Variants in TRAPPC8 observed in about 807,000 individuals in gnomAD.
The protein encoded by TRAPPC8 is trafficking protein particle complex subunit 8.
Under a neutral mutation model 174.3 loss-of-function variants are expected in TRAPPC8, and 54 were observed. The observed-to-expected ratio is 0.31, with a 90% CI of 0.25 to 0.39. The LOEUF (loss-of-function observed/expected upper bound fraction) is 0.39. Ranked by LOEUF, TRAPPC8 falls within the 10% of genes least tolerant of loss-of-function variation. The pLI is 1.00. For missense variants in TRAPPC8, 1,531 were observed against 1,699.1 expected, an observed-to-expected ratio of 0.90 and a Z score of 1.74; for synonymous variants, 630 against 579.9, an observed-to-expected ratio of 1.09 and a Z score of -1.24.
At chr18:31,919,963 A>G (rs1313462046) in intron 2 of TRAPPC8, among the ~76,000 whole-genome samples, 2 of 152,166 alleles carry the variant, frequency 1.3e-5, no homozygotes, top group African/African-American at 2.4e-5. Context: ...TAAATGAAAC[A>G]CACAAATAGG....
chr18:31,904,743 T>C (rs1280138433), intron 9 of TRAPPC8, among the ~76,000 whole-genome samples: 1 of 152,126 alleles, frequency 6.6e-6, no homozygotes, highest in African/African-American at 2.4e-5. Flanking sequence ...AAAACATGTT[T>C]TCTTGGCCAG....
chr18:31,933,018 A>AAAAAAAAC, intron 1 of TRAPPC8, among the ~76,000 whole-genome samples: 1 of 146,696 alleles, frequency 6.8e-6, no homozygotes, highest in African/African-American at 2.5e-5. Context: ...AAAAAAAAAA[A>AAAAAAAAC]AAGCCGGGCG....
intron 2 of TRAPPC8, among the ~76,000 whole-genome samples, chr18:31,929,708 T>G (rs2037770784): frequency 6.6e-6 from 1 of 152,144 alleles, no homozygotes; most frequent in Non-Finnish European, 1.5e-5. Context: ...ACTAAGTGAC[T>G]TATTCAGGTT....
chr18:31,942,639 C>G lies in TRAPPC8; in HGVS notation c.126G>C (p.Leu42=). The G allele has an allele frequency of 3.1e-6, 5 of 1,610,788 alleles. No homozygotes were observed. Among genetic ancestry groups the G allele is most frequent in the Non-Finnish European group, 4.2e-6 (5 of 1,178,486 alleles). The change falls in exon 1 of 29, where the codon CTG becomes CTC. Residue 42 remains leucine, a synonymous_variant. Transcript: ENST00000283351. ...TRLNHLSFAE[L]LKPFSRLTSE... Reference sequence around the variant, plus strand: ...AAGTGAGGCGGGAGAAGGGCTTAAGCAGCTCCGCGAAGCTGAGGTGATTGA... The same window carrying G: ...AAGTGAGGCGGGAGAAGGGCTTAAGGAGCTCCGCGAAGCTGAGGTGATTGA...
At chr18:31,880,691 A>G (rs2035406693) in intron 12 of TRAPPC8, among the ~76,000 whole-genome samples, 1 of 152,124 alleles carries the variant, frequency 6.6e-6, no homozygotes, top group Non-Finnish European at 1.5e-5. Flanking sequence ...AAGCATCCAA[A>G]TAGGAAAAGA....
intron 1 of TRAPPC8, among the ~76,000 whole-genome samples, chr18:31,935,350 A>G (rs186067966): frequency 2.2e-5 from 1 of 46,490 alleles, no homozygotes; most frequent in African/African-American, 8.1e-5. Context: ...TCAAAAACAA[A>G]CAAACAAACA....
At chr18:31,831,034 A>G (rs1036477396) in intron 28 of TRAPPC8, 45 bp from the exon 29 acceptor site, 2 of 1,541,866 alleles carry the variant, frequency 1.3e-6, no homozygotes, top group Non-Finnish European at 1.8e-6. Flanking sequence ...TTTTCTTTTT[A>G]ATTTTTTTCC....
intron 11 of TRAPPC8, among the ~76,000 whole-genome samples, chr18:31,894,182 G>C (rs2036089640): frequency 6.6e-6 from 1 of 152,194 alleles, no homozygotes; most frequent in African/African-American, 2.4e-5. Flanking sequence ...AGTTTCTAGA[G>C]CTGAATACCA....
Position 31,909,003 on chromosome 18 carries a change from T to G in TRAPPC8, c.873A>C (p.Leu291Phe). Residue 291 changes from leucine to phenylalanine, a missense_variant, in exon 7 of 29, where the codon TTA becomes TTC. By Grantham distance (22) the Leu-to-Phe change is conservative. Transcript: ENST00000283351. ...DGLDNEVKDGLPNNFRAHPLQ... is the reference protein window; with the variant it reads ...DGLDNEVKDGFPNNFRAHPLQ... ...GTGGGTGAGCTCTAAAGTTATTTGGTAAGCCATCTACTGAAAAAGAGATTA... is the reference window on the plus strand; with the variant it reads ...GTGGGTGAGCTCTAAAGTTATTTGGGAAGCCATCTACTGAAAAAGAGATTA... The G allele has an allele frequency of 1.9e-6, 3 of 1,604,238 alleles. No individual in the cohort carries two copies. Among genetic ancestry groups the G allele is most frequent in the Non-Finnish European group, 2.6e-6 (3 of 1,174,496 alleles).
At chr18:31,832,237 AAAT>A in intron 27 of TRAPPC8, 64 bp from the exon 28 acceptor site, 4 of 943,092 alleles carry the variant, frequency 4.2e-6, no homozygotes, top group Non-Finnish European at 5.9e-6. Context: ...ATTTTCCTGA[AAAT>A]AACACTTAAG....
chr18:31,904,442 G>A (rs889232026), intron 9 of TRAPPC8, among the ~76,000 whole-genome samples: 1 of 151,982 alleles, frequency 6.6e-6, no homozygotes, highest in Non-Finnish European at 1.5e-5. Flanking sequence ...TCAGCTATTC[G>A]GGAGGCTGAG....
chr18:31,854,186 T>G (rs1447341255), intron 21 of TRAPPC8, among the ~76,000 whole-genome samples: 1 of 152,198 alleles, frequency 6.6e-6, no homozygotes, highest in Non-Finnish European at 1.5e-5. Context: ...TTTAAAATAC[T>G]GAAAGCCACT....
chr18:31,850,251 G>C (rs1035240088), intron 24 of TRAPPC8, among the ~76,000 whole-genome samples: 3 of 152,040 alleles, frequency 2.0e-5, no homozygotes, highest in African/African-American at 7.3e-5. Flanking sequence ...GCACCCAGCT[G>C]CAAGTTACCC....
chr18:31,901,140 G>T, intron 9 of TRAPPC8, 115 bp from the exon 10 acceptor site: 1 of 798,544 alleles, frequency 1.3e-6, no homozygotes, highest in Non-Finnish European at 1.9e-6. Context: ...GGATACACAT[G>T]TATAAACTTC....
rs1375324353 is a variant in TRAPPC8, at chr18:31,925,461, GA to G, written c.352+5867del. Reference sequence around the variant, plus strand: ...ATAAAGTCAAGGATATTCACACCCAGAAAAATAAAAAGACAGAGATAGACAA... The same window carrying G: ...ATAAAGTCAAGGATATTCACACCCAGAAAATAAAAAGACAGAGATAGACAA... On this transcript the variant is annotated intron_variant, in intron 2 of 28. Coordinates refer to ENST00000283351, the MANE Select transcript of TRAPPC8 (RefSeq NM_014939.5). Among the ~76,000 whole-genome samples, 30 of 151,870 alleles carry G rather than the reference GA, an allele frequency of 2.0e-4. No individual in the cohort carries two copies. In the South Asian group the frequency reaches 5.8e-3, roughly 29 times the overall value.
intron 9 of TRAPPC8, among the ~76,000 whole-genome samples, chr18:31,905,232 T>C (rs1353945220): frequency 6.6e-6 from 1 of 152,218 alleles, no homozygotes; most frequent in African/African-American, 2.4e-5. Flanking sequence ...CAGTTCAAAT[T>C]AAATTTTTAT....
chr18:31,884,530 T>C (rs573404718), intron 12 of TRAPPC8, among the ~76,000 whole-genome samples: 2 of 152,198 alleles, frequency 1.3e-5, no homozygotes, highest in Non-Finnish European at 2.9e-5. Context: ...AAGCAGCTAT[T>C]TGAAATTACT....
intron 4 of TRAPPC8, 133 bp downstream of exon 4, chr18:31,916,139 C>T: frequency 1.7e-6 from 1 of 587,124 alleles, no homozygotes; most frequent in Non-Finnish European, 2.7e-6. Context: ...AAGTTAAATG[C>T]TTTATTAATA....
At position 31,849,109 on chromosome 18, in the gene TRAPPC8, C is replaced by T. The variant is rs184488301; in HGVS notation, c.3735+457G>A. On this transcript the variant is annotated intron_variant, in intron 25 of 28. Coordinates refer to ENST00000283351, the MANE Select transcript of TRAPPC8 (RefSeq NM_014939.5). ...CATCTGTTAAAAGTACATATAAAAGCATTTACAGATGAAATATGTCATTTT... is the reference window on the plus strand; with the variant it reads ...CATCTGTTAAAAGTACATATAAAAGTATTTACAGATGAAATATGTCATTTT... 3.1e-3 allele frequency among the ~76,000 whole-genome samples: 478 copies of T among 152,028 alleles called. 3 individuals are homozygous for T. Among genetic ancestry groups the T allele is most frequent in the Middle Eastern group, 6.8e-3 (2 of 294 alleles).
Sources: allele counts gnomAD v4.1 joint callset (sites outside exome capture counted in the v4.1 genomes callset), GRCh38; gene constraint gnomAD v4.1.1; transcripts MANE v1.5; gene names NCBI Gene and HGNC (gene_info 2026-07-23, HGNC 2026-07-21).